TRIP12: variants seen among roughly 807,000 people sequenced by gnomAD.
TRIP12 encodes the protein thyroid hormone receptor interactor 12, also known as E3 ubiquitin-protein ligase TRIP12.
Under a neutral mutation model 244.2 loss-of-function variants are expected in TRIP12, and 25 were observed. The ratio of observed to expected loss-of-function variants is 0.10; its 90% confidence interval spans 0.07 to 0.14. The LOEUF (loss-of-function observed/expected upper bound fraction) is 0.14, where lower values mean the gene tolerates loss of function less well. TRIP12 is among the 10% of genes least tolerant of loss of function. The pLI is 1.00. For missense variants in TRIP12, 1,677 were observed against 2,486.4 expected, an observed-to-expected ratio of 0.67 and a Z score of 6.92; for synonymous variants, 905 against 873.1, an observed-to-expected ratio of 1.04 and a Z score of -0.64.
intron 21 of TRIP12, among the ~76,000 whole-genome samples, chr2:229,800,351 T>C (rs1023989675): frequency 2.6e-5 from 4 of 152,214 alleles, no homozygotes; most frequent in Non-Finnish European, 5.9e-5. Flanking sequence ...ACAGTAGAAA[T>C]AGTTTGTAAC....
At chr2:229,790,296 G>A (rs933211896) in intron 30 of TRIP12, among the ~76,000 whole-genome samples, 2 of 152,156 alleles carry the variant, frequency 1.3e-5, no homozygotes, top group African/African-American at 4.8e-5. Flanking sequence ...AAATAAATCT[G>A]AGGGATTGAA....
chr2:229,916,375 T>G (rs2075374846), intron 1 of TRIP12, among the ~76,000 whole-genome samples: 2 of 152,166 alleles, frequency 1.3e-5, no homozygotes, highest in Admixed American at 1.3e-4. Flanking sequence ...TCTAGACCAT[T>G]TGAATGACTT....
chr2:229,797,678 TG>T lies in TRIP12; in HGVS notation c.3624+11del. 1 of 1,612,198 alleles carries T rather than the reference TG, an allele frequency of 6.2e-7. No individual in the cohort carries two copies. Among genetic ancestry groups the T allele is most frequent in the South Asian group, 1.1e-5 (1 of 90,506 alleles). On this transcript the variant is annotated intron_variant, in intron 24 of 41. Transcript: ENST00000675903. ...ACTGAAAAAGACCAGCAAAATGCAC[TG>T]GACACAGCACCTGGAGGTTGAGTTG...
chr2:229,867,134 G>T, intron 2 of TRIP12, among the ~76,000 whole-genome samples: 1 of 142,672 alleles, frequency 7.0e-6, no homozygotes, highest in East Asian at 2.1e-4. Context: ...TGTAGGCTAT[G>T]GTCAGACAGG....
chr2:229,901,259 AT>A (rs2070725410), intron 1 of TRIP12, among the ~76,000 whole-genome samples: 1 of 151,864 alleles, frequency 6.6e-6, no homozygotes, highest in Admixed American at 6.6e-5. Flanking sequence ...TAAAAATTCT[AT>A]TTTGTTCACA....
At chr2:229,817,680 G>C (rs1329473308) in intron 9 of TRIP12, among the ~76,000 whole-genome samples, 1 of 152,118 alleles carries the variant, frequency 6.6e-6, no homozygotes, top group African/African-American at 2.4e-5. Flanking sequence ...GCGATTCTCT[G>C]CCTTCCAGGT....
rs186330528 is a variant in TRIP12 at position 229,880,211 on chromosome 2, T to C, written c.-49-83A>G. 1.1e-3 allele frequency: 936 copies of C among 853,514 alleles called. 21 individuals are homozygous for C. In the Admixed American group the frequency reaches 0.024, roughly 22 times the overall value. 52.9% of individuals were successfully genotyped at this position (853,514 alleles called of 1,614,324 possible). On this transcript the variant is annotated intron_variant, in intron 1 of 41. Transcript: ENST00000675903. The stretch of plus-strand genomic sequence containing the variant: ...GAAATGAGGGGAACTTACGGTGACA[T>C]GGAAATTTTCTGCAAACTATCTGAT...
intron 13 of TRIP12, 21 bp downstream of exon 13, chr2:229,813,849 T>A (rs1212858007): frequency 4.1e-5 from 60 of 1,453,972 alleles, no homozygotes; most frequent in Non-Finnish European, 5.4e-5. Flanking sequence ...TTATGGCACA[T>A]AAAATAGATG....
At chr2:229,922,655 G>C (rs763909393), upstream of TRIP12, 1 of 1,596,508 alleles carries the variant, frequency 6.3e-7, no homozygotes, top group South Asian at 1.1e-5. Context: ...TCCCTACCTG[G>C]CCCGGTTGGG....
chr2:229,902,658 T>C (rs1274779366), intron 1 of TRIP12, among the ~76,000 whole-genome samples: 3 of 152,226 alleles, frequency 2.0e-5, no homozygotes, highest in Non-Finnish European at 2.9e-5. Context: ...TCTTTGGTTT[T>C]TTTGAATCTT....
rs1376185843 is a variant in TRIP12, at chr2:229,767,624, C to G, written c.6134G>C (p.Ser2045Thr). Residue 2045 changes from serine (S) to threonine (T), a missense_variant, in exon 42 of 42, where the codon AGC (serine) becomes ACC (threonine). Physicochemically the swap from Ser to Thr is moderately conservative, Grantham distance 58. Transcript: ENST00000675903. ...VNYLKLPDYSSIEIMREKLLI... is the reference protein window; with the variant it reads ...VNYLKLPDYSTIEIMREKLLI... ...CAGTTTTTCACGCATTATCTCAATG[C>G]TTGAATAGTCCGGCAACTTAAGATA... 1 of 1,614,054 alleles carries G rather than the reference C, an allele frequency of 6.2e-7. No homozygotes were observed. The highest frequency in any genetic ancestry group is 8.5e-7 in the Non-Finnish European group (1 of 1,180,014).
At chr2:229,774,359 A>C (rs139051299) in intron 37 of TRIP12, 98 bp from the exon 38 acceptor site, 40 of 1,269,358 alleles carry the variant, frequency 3.2e-5, no homozygotes, top group Non-Finnish European at 4.2e-5. Flanking sequence ...AAGCTATCCT[A>C]ATAAAGCTGA....
chr2:229,828,894 CATT>C (rs1378975276), intron 8 of TRIP12, among the ~76,000 whole-genome samples: 2 of 152,198 alleles, frequency 1.3e-5, no homozygotes, highest in African/African-American at 2.4e-5. Flanking sequence ...ACAAATACAT[CATT>C]ATGACAAACT....
Position 229,791,266 on chromosome 2 carries a change from C to T in TRIP12, c.4416-15G>A. 6.2e-7 allele frequency: 1 copy of T among 1,613,576 alleles called. No homozygotes were observed. The highest frequency in any genetic ancestry group is 1.1e-5 in the South Asian group (1 of 91,008). ...CAGGTTTATACCTAAAATGACAAGA[C>T]AGTATATAAACCAAATGTAGATTTT... is the stretch of plus-strand genomic sequence containing the variant. On this transcript the variant is annotated splice_polypyrimidine_tract_variant and intron_variant, in intron 29 of 41. Coordinates refer to ENST00000675903, the MANE Select transcript of TRIP12 (RefSeq NM_001348323.3).
chr2:229,829,873 C>T (rs763796019), intron 7 of TRIP12, among the ~76,000 whole-genome samples: 5 of 152,210 alleles, frequency 3.3e-5, no homozygotes, highest in South Asian at 2.1e-4. Context: ...CATTTGAACA[C>T]GGGAGGTGGA....
intron 9 of TRIP12, among the ~76,000 whole-genome samples, chr2:229,816,451 A>G (rs1041354796): frequency 5.9e-5 from 9 of 152,190 alleles, no homozygotes; most frequent in African/African-American, 2.2e-4. Context: ...TAACCTTGTT[A>G]TACTGTGTTT....
intron 26 of TRIP12, among the ~76,000 whole-genome samples, chr2:229,793,693 G>A (rs2042110694): frequency 1.3e-5 from 2 of 152,218 alleles, no homozygotes; most frequent in African/African-American, 4.8e-5. Context: ...TTTCAGAAAA[G>A]CTCTGGCAGG....
At chr2:229,829,144 C>T (rs2052602092) in intron 8 of TRIP12, 49 bp downstream of exon 8, 2 of 1,519,836 alleles carry the variant, frequency 1.3e-6, no homozygotes, top group Non-Finnish European at 1.8e-6. Context: ...GTAACAATAG[C>T]AGTTGGCTAA....
chr2:229,889,845 T>C (rs1489439714), intron 1 of TRIP12, among the ~76,000 whole-genome samples: 1 of 152,172 alleles, frequency 6.6e-6, no homozygotes, highest in East Asian at 1.9e-4. Context: ...TTCTCTCCCT[T>C]AAGCGACAGA....
Sources: allele counts gnomAD v4.1 joint callset (sites outside exome capture counted in the v4.1 genomes callset), GRCh38; gene constraint gnomAD v4.1.1; transcripts MANE v1.5; gene names NCBI Gene and HGNC (gene_info 2026-07-23, HGNC 2026-07-21).